Variants in SGCD observed in about 807,000 individuals in gnomAD.
The protein encoded by SGCD is sarcoglycan delta, also known as delta-sarcoglycan.
In SGCD, 18 loss-of-function variants were observed where a neutral mutation model predicts 36.6. That is an observed-to-expected ratio of 0.49 (90% CI 0.34 to 0.73). The LOEUF is 0.73. SGCD is among the 30% of genes least tolerant of loss of function. The probability of loss-of-function intolerance (pLI) is 0.01; values close to 1 mark genes in which losing one functional copy is unlikely to be tolerated. For missense variants in SGCD, 387 were observed against 346.7 expected (o/e 1.12, Z -0.92); for synonymous variants, 133 against 130.6 (o/e 1.02, Z -0.12).
chr5:156,259,114 G>GTTTGTTTA lies in SGCD; in HGVS notation c.-43-70417_-43-70416insGTTTATTT, dbSNP rs1554087895. Among the ~76,000 whole-genome samples, 200 of 146,774 alleles carry GTTTGTTTA rather than the reference G, an allele frequency of 1.4e-3. 2 individuals carry two copies. The South Asian group carries it at 0.016, about 12-fold the overall frequency. Reference sequence around the variant, plus strand: ...CCCTATATCTTCTCAAACACTGGCTGTTTATTTATTTATTTATTTATTTAT... The same window carrying GTTTGTTTA: ...CCCTATATCTTCTCAAACACTGGCTGTTTGTTTATTTATTTATTTATTTATTTATTTAT... On this transcript the variant is annotated intron_variant, in intron 3 of 9. Transcript: ENST00000517913.
chr5:156,554,227 C>T (rs771746948), intron 4 of SGCD, among the ~76,000 whole-genome samples: 13 of 151,926 alleles, frequency 8.6e-5, no homozygotes, highest in African/African-American at 1.2e-4. Flanking sequence ...ATGTGGCGCA[C>T]GCCTGTAATC....
chr5:155,969,167 G>A (rs1757960448), intron 1 of SGCD, among the ~76,000 whole-genome samples: 1 of 151,956 alleles, frequency 6.6e-6, no homozygotes, highest in African/African-American at 2.4e-5. Flanking sequence ...GATCTCTAGG[G>A]TGCGTGTCTA....
chr5:155,981,907 C>T (rs1189945956), intron 1 of SGCD, among the ~76,000 whole-genome samples: 2 of 152,158 alleles, frequency 1.3e-5, no homozygotes, highest in Non-Finnish European at 2.9e-5. Flanking sequence ...GGTGTCAGGA[C>T]AAGGTTTCAC....
At chr5:155,997,796 A>G (rs1036340507) in intron 1 of SGCD, among the ~76,000 whole-genome samples, 3 of 152,234 alleles carry the variant, frequency 2.0e-5, no homozygotes, top group African/African-American at 7.2e-5. Context: ...GATATCAAAA[A>G]TGTATCTACC....
intron 4 of SGCD, among the ~76,000 whole-genome samples, chr5:156,532,522 A>G (rs1757928783): frequency 6.6e-6 from 1 of 152,122 alleles, no homozygotes; most frequent in Admixed American, 6.5e-5. Flanking sequence ...GTGCAGTGGC[A>G]TGATCTTGGC....
the SGCD span, among the ~76,000 whole-genome samples, chr5:155,764,950 C>G: frequency 6.6e-6 from 1 of 152,078 alleles, no homozygotes; most frequent in Non-Finnish European, 1.5e-5. Context: ...TTAAAGTTTT[C>G]TATAAAAATA....
Position 156,217,164 on chromosome 5 carries a change from A to G in SGCD, c.-44+93145A>G, listed in dbSNP as rs551948032. Among the ~76,000 whole-genome samples the G allele has an allele frequency of 3.3e-5, 5 of 152,352 alleles. No individual in the cohort carries two copies. The East Asian group carries it at 9.6e-4, about 29-fold the overall frequency. On this transcript the variant is annotated intron_variant, in intron 3 of 9. Transcript: ENST00000517913. ...AAGAGTTCTTAGACCAAAAAGTATTAACGTGATTGACAACAGGGTACGTGA... is the reference window on the plus strand; with the variant it reads ...AAGAGTTCTTAGACCAAAAAGTATTGACGTGATTGACAACAGGGTACGTGA...
chr5:155,898,195 C>T (rs1023083187), intron 1 of SGCD, among the ~76,000 whole-genome samples: 5 of 152,152 alleles, frequency 3.3e-5, no homozygotes, highest in Non-Finnish European at 7.3e-5. Context: ...ATTGTCCCTG[C>T]TATCCCAGGA....
intron 1 of SGCD, among the ~76,000 whole-genome samples, chr5:155,876,579 C>A (rs1452734436): frequency 6.6e-6 from 1 of 151,938 alleles, no homozygotes; most frequent in Non-Finnish European, 1.5e-5. Context: ...GAAGCAAATA[C>A]TGTATTTGTA....
intron 1 of SGCD, among the ~76,000 whole-genome samples, chr5:156,040,786 T>A (rs1759614840): frequency 6.6e-6 from 1 of 152,170 alleles, no homozygotes; most frequent in Admixed American, 6.6e-5. Context: ...GCATCTAATA[T>A]TAAGTCTTAC....
At chr5:155,739,405 G>A in the SGCD span, among the ~76,000 whole-genome samples, 1 of 152,206 alleles carries the variant, frequency 6.6e-6, no homozygotes, top group Non-Finnish European at 1.5e-5. Context: ...GAATACAGTG[G>A]GTGAGTAGGT....
intron 3 of SGCD, among the ~76,000 whole-genome samples, chr5:156,492,934 G>A (rs537721030): frequency 1.3e-5 from 2 of 152,274 alleles, no homozygotes; most frequent in African/African-American, 4.8e-5. Flanking sequence ...TGGTGTATAT[G>A]TGCCACATTT....
At chr5:155,730,209 C>A in the SGCD span, among the ~76,000 whole-genome samples, 1 of 152,122 alleles carries the variant, frequency 6.6e-6, no homozygotes, top group African/African-American at 2.4e-5. Context: ...CTGAACTCAC[C>A]TTTCTTCGGT....
the SGCD span, among the ~76,000 whole-genome samples, chr5:155,826,546 T>G: frequency 3.3e-5 from 5 of 152,226 alleles, no homozygotes; most frequent in African/African-American, 1.2e-4. Context: ...TTCTTCTGGC[T>G]TACATATTTG....
chr5:156,668,409 A>C (rs1008750742), intron 7 of SGCD, among the ~76,000 whole-genome samples: 3 of 152,110 alleles, frequency 2.0e-5, no homozygotes, highest in African/African-American at 7.2e-5. Flanking sequence ...CCTTATCCCC[A>C]GTATTTCTCC....
At chr5:156,435,978 T>G (rs573542396) in intron 3 of SGCD, among the ~76,000 whole-genome samples, 1 of 152,168 alleles carries the variant, frequency 6.6e-6, no homozygotes, top group South Asian at 2.1e-4. Context: ...TATTCTTTCC[T>G]CCAAGTAGCT....
At chr5:156,072,053 C>G (rs1298687295) in intron 1 of SGCD, among the ~76,000 whole-genome samples, 1 of 152,164 alleles carries the variant, frequency 6.6e-6, no homozygotes, top group Non-Finnish European at 1.5e-5. Context: ...TTCCTCAATA[C>G]AGCACACTGA....
At chr5:155,838,856 A>G in the SGCD span, among the ~76,000 whole-genome samples, 1 of 150,742 alleles carries the variant, frequency 6.6e-6, no homozygotes, top group East Asian at 1.9e-4. Flanking sequence ...TGTGCTATTT[A>G]TGTTAACATT....
chr5:156,199,818 C>T (rs1764101289), intron 3 of SGCD, among the ~76,000 whole-genome samples: 1 of 152,032 alleles, frequency 6.6e-6, no homozygotes, highest in South Asian at 2.1e-4. Context: ...ATAAATGACT[C>T]ATCAACTAAT....
Sources: allele counts gnomAD v4.1 joint callset (sites outside exome capture counted in the v4.1 genomes callset), GRCh38; gene constraint gnomAD v4.1.1; transcripts MANE v1.5; gene names NCBI Gene and HGNC (gene_info 2026-07-23, HGNC 2026-07-21).